The following NRG3 variants were observed in gnomAD, a reference collection of about 807,000 sequenced individuals.
The protein encoded by NRG3 is neuregulin 3, also known as pro-neuregulin-3, membrane-bound isoform.
In NRG3, 31 loss-of-function variants were observed where a neutral mutation model predicts 66.9. That is an observed-to-expected ratio of 0.46 (90% CI 0.35 to 0.63). NRG3 has a LOEUF of 0.63. Among genes scored for constraint, NRG3 ranks in the 20% least tolerant of loss-of-function variants. The pLI, the probability that NRG3 is intolerant of heterozygous loss-of-function variation, is 0.00. For missense variants in NRG3, 910 were observed against 878.9 expected (o/e 1.04, Z -0.45); for synonymous variants, 393 against 359.4 (o/e 1.09, Z -1.06).
At chr10:82,939,939 C>T (rs1404271180) in intron 4 of NRG3, among the ~76,000 whole-genome samples, 1 of 151,678 alleles carries the variant, frequency 6.6e-6, no homozygotes, top group Non-Finnish European at 1.5e-5. Flanking sequence ...AGACATCCAG[C>T]TCAGAAGCTA....
intron 1 of NRG3, among the ~76,000 whole-genome samples, chr10:82,012,335 G>A (rs1377046196): frequency 6.6e-6 from 1 of 151,958 alleles, no homozygotes; most frequent in East Asian, 1.9e-4. Context: ...GGGGGACCCT[G>A]GTCCCAGCCC....
intron 4 of NRG3, among the ~76,000 whole-genome samples, chr10:82,921,324 A>T (rs565274854): frequency 1.8e-4 from 28 of 152,298 alleles, no homozygotes; most frequent in Non-Finnish European, 4.4e-5. Context: ...ATGTCTGACA[A>T]ACTGTCATAA....
At position 82,329,046 on chromosome 10, in the gene NRG3, A is replaced by T. The variant is rs533022819; in HGVS notation, c.824-29693A>T. Among the ~76,000 whole-genome samples, 4 of 152,348 alleles carry T rather than the reference A, an allele frequency of 2.6e-5. No individual in the cohort carries two copies. The South Asian group carries it at 8.3e-4, about 32-fold the overall frequency. Reference sequence around the variant, plus strand: ...TTGCCTGCCTCCAAAGCAGAGGTATACAGGGGAGTGGAGAATAAAGCCACT... The same window carrying T: ...TTGCCTGCCTCCAAAGCAGAGGTATTCAGGGGAGTGGAGAATAAAGCCACT... On this transcript the variant is annotated intron_variant, in intron 1 of 8. Transcript: ENST00000372141.
At chr10:81,948,967 T>A (rs889337201) in intron 1 of NRG3, among the ~76,000 whole-genome samples, 1 of 152,190 alleles carries the variant, frequency 6.6e-6, no homozygotes, top group Admixed American at 6.5e-5. Context: ...GAACATTTCC[T>A]TGTGGAGCTT....
chr10:82,079,714 C>T (rs2065285983), intron 1 of NRG3, among the ~76,000 whole-genome samples: 1 of 152,120 alleles, frequency 6.6e-6, no homozygotes, highest in South Asian at 2.1e-4. Context: ...AGTTGGATTT[C>T]TACAGTACCT....
intron 2 of NRG3, among the ~76,000 whole-genome samples, chr10:82,512,690 C>T (rs12254863): frequency 0.015 from 2,229 of 152,252 alleles, 73 homozygotes; most frequent in African/African-American, 0.051. Context: ...TTCTGATCTC[C>T]GCCAGAGTGA....
intron 2 of NRG3, among the ~76,000 whole-genome samples, chr10:82,412,211 A>AT (rs2088148875): frequency 6.6e-6 from 1 of 152,174 alleles, no homozygotes; most frequent in Non-Finnish European, 1.5e-5. Context: ...AATTGTTTTA[A>AT]TTCAGTTGAA....
At chr10:82,595,914 T>C (rs1378455052) in intron 2 of NRG3, among the ~76,000 whole-genome samples, 1 of 152,202 alleles carries the variant, frequency 6.6e-6, no homozygotes. Context: ...TTTTTGTTCC[T>C]TAAGTTTCCA....
At chr10:82,962,654 C>T (rs1412864501) in intron 6 of NRG3, among the ~76,000 whole-genome samples, 1 of 152,086 alleles carries the variant, frequency 6.6e-6, no homozygotes, top group Non-Finnish European at 1.5e-5. Flanking sequence ...CCCTGGCCAA[C>T]ATGGTGAAAC....
intron 1 of NRG3, among the ~76,000 whole-genome samples, chr10:82,121,350 T>C (rs2068077192): frequency 6.6e-6 from 1 of 152,206 alleles, no homozygotes; most frequent in African/African-American, 2.4e-5. Context: ...TCTGCCATTG[T>C]ACCTGTAAGC....
At chr10:82,779,359 G>C (rs2060029661) in intron 3 of NRG3, among the ~76,000 whole-genome samples, 1 of 152,144 alleles carries the variant, frequency 6.6e-6, no homozygotes, top group Admixed American at 6.5e-5. Flanking sequence ...CAGAGTCAAG[G>C]CTTTCTCGTC....
At chr10:82,884,679 G>A (rs1253776996) in intron 4 of NRG3, among the ~76,000 whole-genome samples, 3 of 152,048 alleles carry the variant, frequency 2.0e-5, no homozygotes, top group Non-Finnish European at 4.4e-5. Flanking sequence ...ACTTCTAACT[G>A]ATCATTATTT....
intron 1 of NRG3, among the ~76,000 whole-genome samples, chr10:82,300,975 AAAGAAG>A (rs757601496): frequency 6.6e-6 from 1 of 152,104 alleles, no homozygotes; most frequent in East Asian, 1.9e-4. Context: ...TTAAATTTAA[AAAGAAG>A]AAGAAGAAGA....
intron 2 of NRG3, among the ~76,000 whole-genome samples, chr10:82,614,946 G>A (rs1295403407): frequency 6.6e-6 from 1 of 151,352 alleles, no homozygotes; most frequent in East Asian, 1.9e-4. Flanking sequence ...CGGGGACCAT[G>A]CTTTCAAGAC....
intron 1 of NRG3, among the ~76,000 whole-genome samples, chr10:81,939,161 C>T (rs1280864065): frequency 6.6e-6 from 1 of 151,840 alleles, no homozygotes; most frequent in Non-Finnish European, 1.5e-5. Flanking sequence ...ATTCAGTTTG[C>T]TAGTATTTTT....
At chr10:81,973,901 CT>C (rs1259036513) in intron 1 of NRG3, among the ~76,000 whole-genome samples, 2 of 152,052 alleles carry the variant, frequency 1.3e-5, no homozygotes, top group African/African-American at 4.8e-5. Context: ...TGCAGAAGCT[CT>C]TTAGTTTAAT....
At chr10:82,057,930 C>G (rs572102776) in intron 1 of NRG3, among the ~76,000 whole-genome samples, 71 of 151,646 alleles carry the variant, frequency 4.7e-4, no homozygotes, top group African/African-American at 1.6e-3. Context: ...ACTTCCCATT[C>G]TAGTGCTTGC....
At chr10:82,339,255 T>TA (rs1274935345) in intron 1 of NRG3, among the ~76,000 whole-genome samples, 1 of 152,220 alleles carries the variant, frequency 6.6e-6, no homozygotes, top group African/African-American at 2.4e-5. Flanking sequence ...TTTTAGTCAG[T>TA]AACTGTATTA....
At chr10:82,845,682 T>C (rs2063279351) in intron 3 of NRG3, among the ~76,000 whole-genome samples, 1 of 151,980 alleles carries the variant, frequency 6.6e-6, no homozygotes, top group Non-Finnish European at 1.5e-5. Context: ...CTTTGCAATA[T>C]ATGAGGGAGA....
Sources: allele counts gnomAD v4.1 joint callset (sites outside exome capture counted in the v4.1 genomes callset), GRCh38; gene constraint gnomAD v4.1.1; transcripts MANE v1.5; gene names NCBI Gene and HGNC (gene_info 2026-07-23, HGNC 2026-07-21).